NKAIN2: variants seen among roughly 807,000 people sequenced by gnomAD.
NKAIN2 encodes sodium/potassium-transporting ATPase subunit beta-1-interacting protein 2.
Under a neutral mutation model 32.6 loss-of-function variants are expected in NKAIN2, and 14 were observed. That is an observed-to-expected ratio of 0.43 (90% confidence interval 0.28 to 0.67). NKAIN2 has a LOEUF of 0.67. Ranked by LOEUF, NKAIN2 falls within the 30% of genes least tolerant of loss-of-function variation. The pLI, the probability that NKAIN2 is intolerant of heterozygous loss-of-function variation, is 0.17. For synonymous variants in NKAIN2, 80 were observed against 87.2 expected (o/e 0.92, Z 0.46); for missense variants, 198 against 258.3 (o/e 0.77, Z 1.60).
intron 3 of NKAIN2, among the ~76,000 whole-genome samples, chr6:124,544,836 A>T (rs1332135277): frequency 3.3e-5 from 5 of 152,186 alleles, no homozygotes; most frequent in African/African-American, 1.2e-4. Context: ...CTAACTTTTT[A>T]AAAAATGCAC....
chr6:124,248,784 A>G (rs758935443), intron 1 of NKAIN2, among the ~76,000 whole-genome samples: 7 of 152,170 alleles, frequency 4.6e-5, no homozygotes, highest in Non-Finnish European at 8.8e-5. Context: ...TTCTTGTCAT[A>G]CAGGCTTATG....
chr6:124,450,823 A>G (rs896956870), intron 3 of NKAIN2, among the ~76,000 whole-genome samples: 1 of 152,062 alleles, frequency 6.6e-6, no homozygotes. Context: ...TTTCCACTCA[A>G]GGAATAGTTT....
chr6:123,827,101 G>A (rs1774179632), intron 1 of NKAIN2, among the ~76,000 whole-genome samples: 1 of 152,074 alleles, frequency 6.6e-6, no homozygotes, highest in Admixed American at 6.6e-5. Flanking sequence ...TAGCGATGTT[G>A]AATATCTTTT....
At chr6:124,206,487 A>G (rs954661101) in intron 1 of NKAIN2, among the ~76,000 whole-genome samples, 53 of 151,870 alleles carry the variant, frequency 3.5e-4, no homozygotes, top group African/African-American at 1.2e-3. Flanking sequence ...AGTCCTGCCT[A>G]CCTACAGAAT....
chr6:124,348,214 A>G (rs1249432177), intron 2 of NKAIN2, among the ~76,000 whole-genome samples: 1 of 151,758 alleles, frequency 6.6e-6, no homozygotes. Flanking sequence ...TCAGAGTTGT[A>G]CCCGGCTGTG....
chr6:124,300,775 C>T (rs536344661), intron 2 of NKAIN2, among the ~76,000 whole-genome samples: 2 of 152,116 alleles, frequency 1.3e-5, no homozygotes, highest in African/African-American at 4.8e-5. Flanking sequence ...GCATTTTGCC[C>T]CTGCCCTAGA....
intron 3 of NKAIN2, among the ~76,000 whole-genome samples, chr6:124,443,555 A>G (rs1352225498): frequency 3.3e-5 from 5 of 152,108 alleles, no homozygotes; most frequent in African/African-American, 7.2e-5. Context: ...CCAACATTCT[A>G]TCTGGCCTTA....
intron 4 of NKAIN2, among the ~76,000 whole-genome samples, chr6:124,784,256 T>G (rs1487159921): frequency 6.6e-6 from 1 of 152,134 alleles, no homozygotes; most frequent in African/African-American, 2.4e-5. Context: ...CTCCAAATAG[T>G]ATTACCTTGC....
chr6:124,543,553 G>A (rs1779984520), intron 3 of NKAIN2, among the ~76,000 whole-genome samples: 1 of 152,010 alleles, frequency 6.6e-6, no homozygotes, highest in South Asian at 2.1e-4. Context: ...AATTATTATT[G>A]TATAATAAGG....
intron 3 of NKAIN2, among the ~76,000 whole-genome samples, chr6:124,434,241 C>G (rs1363565244): frequency 6.6e-6 from 1 of 152,082 alleles, no homozygotes; most frequent in Admixed American, 6.6e-5. Context: ...TTATATGTCT[C>G]TTTTATTTGG....
At chr6:124,426,013 A>G (rs562360563) in intron 3 of NKAIN2, among the ~76,000 whole-genome samples, 1 of 152,264 alleles carries the variant, frequency 6.6e-6, no homozygotes, top group Non-Finnish European at 1.5e-5. Context: ...TTTATCTTCA[A>G]TGTTCATGTA....
At chr6:123,911,308 A>G (rs1473651395) in intron 1 of NKAIN2, among the ~76,000 whole-genome samples, 1 of 152,158 alleles carries the variant, frequency 6.6e-6, no homozygotes, top group African/African-American at 2.4e-5. Flanking sequence ...TGGTGTCAGC[A>G]TCTACTTCTG....
At chr6:124,742,477 C>T (rs977631313) in intron 4 of NKAIN2, among the ~76,000 whole-genome samples, 2 of 151,784 alleles carry the variant, frequency 1.3e-5, no homozygotes, top group Non-Finnish European at 2.9e-5. Context: ...CACCCCCCAC[C>T]CCAGATTCTC....
intron 3 of NKAIN2, among the ~76,000 whole-genome samples, chr6:124,385,470 C>A (rs1044032099): frequency 6.6e-6 from 1 of 152,090 alleles, no homozygotes; most frequent in Non-Finnish European, 1.5e-5. Flanking sequence ...ATTATAACCA[C>A]CCCTAGATCT....
chr6:124,782,149 A>G (rs532962156), intron 4 of NKAIN2, among the ~76,000 whole-genome samples: 1 of 152,234 alleles, frequency 6.6e-6, no homozygotes, highest in South Asian at 2.1e-4. Flanking sequence ...AACCCTAATA[A>G]TGCATCTGAG....
intron 4 of NKAIN2, among the ~76,000 whole-genome samples, chr6:124,675,859 C>T (rs1773333886): frequency 6.6e-6 from 1 of 151,526 alleles, no homozygotes; most frequent in Non-Finnish European, 1.5e-5. Context: ...TTCCTTCCTT[C>T]TGTTCAAAAT....
intron 1 of NKAIN2, among the ~76,000 whole-genome samples, chr6:124,232,171 A>T (rs982136771): frequency 7.2e-5 from 11 of 152,160 alleles, no homozygotes; most frequent in Non-Finnish European, 1.3e-4. Flanking sequence ...CTAATTTCCC[A>T]GCCTTTTCTA....
intron 1 of NKAIN2, among the ~76,000 whole-genome samples, chr6:124,238,648 T>C (rs1792909249): frequency 6.6e-6 from 1 of 152,076 alleles, no homozygotes; most frequent in Non-Finnish European, 1.5e-5. Context: ...CCTCATCTCA[T>C]TGGGACTGGT....
intron 1 of NKAIN2, among the ~76,000 whole-genome samples, chr6:124,020,722 A>C (rs1780824891): frequency 6.6e-6 from 1 of 152,138 alleles, no homozygotes; most frequent in South Asian, 2.1e-4. Context: ...GGAAGCTGAT[A>C]CTTGATATGA....
Sources: allele counts gnomAD v4.1 joint callset (sites outside exome capture counted in the v4.1 genomes callset), GRCh38; gene constraint gnomAD v4.1.1; transcripts MANE v1.5; gene names NCBI Gene and HGNC (gene_info 2026-07-23, HGNC 2026-07-21).